The following MDN1 variants were observed in gnomAD, a reference collection of about 807,000 sequenced individuals.
The protein encoded by MDN1 is midasin AAA ATPase 1, also known as midasin.
A neutral mutation model predicts 669.2 loss-of-function variants in MDN1; 266 were observed. That is an observed-to-expected ratio of 0.40 (90% CI 0.36 to 0.44). MDN1 has a LOEUF of 0.44. Ranked by LOEUF, MDN1 falls within the 20% of genes least tolerant of loss-of-function variation. The probability of loss-of-function intolerance (pLI) is 1.00; values close to 1 mark genes in which losing one functional copy is unlikely to be tolerated. For synonymous variants in MDN1, 2,385 were observed against 2,457.1 expected (o/e 0.97, Z 0.87); for missense variants, 5,940 against 6,754.0 (o/e 0.88, Z 4.22).
intron 81 of MDN1, 55 bp downstream of exon 81, chr6:89,672,492 A>G: frequency 1.3e-6 from 2 of 1,597,686 alleles, no homozygotes; most frequent in East Asian, 4.5e-5. Flanking sequence ...ATAAATCATC[A>G]AATACAAAAA....
intron 76 of MDN1, among the ~76,000 whole-genome samples, chr6:89,677,036 G>GGAA (rs1442618596): frequency 6.7e-6 from 1 of 148,332 alleles, no homozygotes. Context: ...AAAAAAAAAG[G>GGAA]GAAGAAGAAG....
intron 12 of MDN1, 131 bp downstream of exon 12, chr6:89,776,468 TA>T (rs1818361643): frequency 3.1e-6 from 2 of 644,660 alleles, no homozygotes; most frequent in Admixed American, 3.2e-5. Context: ...GAGGCTGCAA[TA>T]AAAGCACCAA....
In MDN1 at chr6:89,672,229, C is replaced by T. The variant is rs766400009; in HGVS notation, c.13765G>A (p.Gly4589Ser). 41 of 1,599,142 alleles carry T rather than the reference C, an allele frequency of 2.6e-5. No individual in the cohort carries two copies. Among genetic ancestry groups the T allele is most frequent in the East Asian group, 6.7e-5 (3 of 44,738 alleles). ...SELLERLKSYGEDGTAAKHLF... is the reference protein window; with the variant it reads ...SELLERLKSYSEDGTAAKHLF... ...TGCTTTGCTGCTGTGCCATCCTCAC[C>T]GTACGATTTCAGCCTCTCCAACAGC... Residue 4589 changes from glycine (G) to serine (S), a missense_variant, in exon 82 of 102, where the codon GGT becomes AGT. Gly to Ser is a moderately conservative substitution (Grantham distance 56). Coordinates refer to ENST00000369393, the MANE Select transcript of MDN1 (RefSeq NM_014611.3).
chr6:89,665,767 T>C (rs1424700821), intron 84 of MDN1, among the ~76,000 whole-genome samples: 1 of 145,030 alleles, frequency 6.9e-6, no homozygotes, highest in Admixed American at 6.8e-5. Context: ...TAGCCAGGCA[T>C]GGTGGTTCAC....
chr6:89,650,689 T>C, intron 96 of MDN1, 43 bp downstream of exon 96: 1 of 1,458,790 alleles, frequency 6.9e-7, no homozygotes, highest in Admixed American at 1.8e-5. Context: ...GAAGCTGCCG[T>C]CTTCTCAGGG....
At position 89,758,200 on chromosome 6, in the gene MDN1, A is replaced by T. The variant is rs958801646; in HGVS notation, c.2702+55T>A. 4 of 1,438,126 alleles carry T rather than the reference A, an allele frequency of 2.8e-6. No homozygotes were observed. The East Asian group carries it at 9.4e-5, about 34-fold the overall frequency. 89.1% of individuals were successfully genotyped at this position (1,438,126 alleles called of 1,614,324 possible). On this transcript the variant is annotated intron_variant, in intron 19 of 101. Transcript: ENST00000369393. ...CACGCCACTGCACTCCAACCTGGGC[A>T]ACAGAGCAAGAACCTGTTGCAAAAA... is the stretch of plus-strand genomic sequence containing the variant.
At chr6:89,791,834 TA>T (rs1435504843) in intron 5 of MDN1, among the ~76,000 whole-genome samples, 2 of 150,902 alleles carry the variant, frequency 1.3e-5, no homozygotes, top group African/African-American at 4.9e-5. Context: ...ACGTGTAAAG[TA>T]AAAAATGTTA....
intron 93 of MDN1, among the ~76,000 whole-genome samples, chr6:89,653,709 A>T (rs1448769832): frequency 6.6e-6 from 1 of 151,950 alleles, no homozygotes; most frequent in Non-Finnish European, 1.5e-5. Flanking sequence ...TGATGAAGCT[A>T]TTTTTTTTGC....
Position 89,695,633 on chromosome 6 carries a change from T to G in MDN1, c.9743A>C (p.Glu3248Ala). The G allele has an allele frequency of 6.2e-7, 1 of 1,605,254 alleles. No homozygotes were observed. The highest frequency in any genetic ancestry group is 8.5e-7 in the Non-Finnish European group (1 of 1,173,584). Residue 3248 changes from glutamate to alanine, a missense_variant, in exon 61 of 102, where the codon GAG becomes GCG. Transcript: ENST00000369393. The surrounding 1 kb of genome is among the most constrained non-coding windows in gnomAD (Gnocchi z 4.1). The stretch of plus-strand genomic sequence containing the variant: ...TTCCTTGACGTAATTGAGCTTGTAC[T>G]CCCTCTTCACCGCAGGGTCAAAGCG... ...QARFDPAVKR[E>A]YKLNYVKEEL...
chr6:89,677,539 T>A (rs1391466636), intron 76 of MDN1, 31 bp downstream of exon 76: 1 of 1,611,234 alleles, frequency 6.2e-7, no homozygotes. Flanking sequence ...CATTTATAAG[T>A]AGGGAAAAAA....
chr6:89,818,967 G>T (rs9986552), intron 1 of MDN1, among the ~76,000 whole-genome samples: 1 of 151,742 alleles, frequency 6.6e-6, no homozygotes, highest in Non-Finnish European at 1.5e-5. Flanking sequence ...TTCAGCTGTT[G>T]TAAGTGTTTA....
chr6:89,649,479 AAAAC>A (rs1808705880), intron 97 of MDN1, among the ~76,000 whole-genome samples: 1 of 152,252 alleles, frequency 6.6e-6, no homozygotes, highest in Non-Finnish European at 1.5e-5. Context: ...ATCACTGCCC[AAAAC>A]AAACACTCTT....
intron 20 of MDN1, 86 bp from the exon 21 acceptor site, chr6:89,754,316 T>G: frequency 1.4e-6 from 2 of 1,388,386 alleles, no homozygotes; most frequent in Non-Finnish European, 2.0e-6. Flanking sequence ...CAAAGGACAT[T>G]TTTTAGATCA....
chr6:89,714,582 G>A lies in MDN1; in HGVS notation c.7030C>T (p.Leu2344Phe). ...GLVGNSVCDI[L>F]LALHTETRST... ...CGGGTCTCTGTGTGTAAAGCCAAGA[G>A]GATGTCACATACACTGTTCCCCACC... The change falls in exon 46 of 102, where the codon CTC becomes TTC. Residue 2344 changes from leucine to phenylalanine, a missense_variant. This residue lies in a region of MDN1 where 2,292 missense variants were observed against 2,638.3 expected (regional missense o/e 0.87). Coordinates refer to ENST00000369393, the MANE Select transcript of MDN1 (RefSeq NM_014611.3). 6.2e-7 allele frequency: 1 copy of A among 1,613,686 alleles called. No homozygotes were observed. Among genetic ancestry groups the A allele is most frequent in the South Asian group, 1.1e-5 (1 of 90,996 alleles).
intron 37 of MDN1, among the ~76,000 whole-genome samples, chr6:89,726,860 T>C (rs1049194711): frequency 6.6e-6 from 1 of 152,194 alleles, no homozygotes; most frequent in Non-Finnish European, 1.5e-5. Flanking sequence ...TCAAGTGTCA[T>C]GTTTACACAA....
intron 50 of MDN1, 122 bp from the exon 51 acceptor site, chr6:89,708,750 G>T: frequency 3.8e-6 from 4 of 1,052,748 alleles, no homozygotes; most frequent in Non-Finnish European, 5.6e-6. Flanking sequence ...TGGGGAAGAG[G>T]TTGAACCAGT....
rs781320278 is a variant in MDN1 at position 89,701,654 on chromosome 6, G to A, written c.8331C>T (p.Val2777=). ...EDKYYKEVQT[V]SEHIQNCLGS... Reference sequence around the variant, plus strand: ...CCAGACAATTCTGAATATGTTCTGAGACAGTCTGAACTTCTTTGTAATATC... The same window carrying A: ...CCAGACAATTCTGAATATGTTCTGAAACAGTCTGAACTTCTTTGTAATATC... The change falls in exon 55 of 102, where the codon GTC becomes GTT. Residue 2777 remains valine (V), a synonymous_variant. Transcript: ENST00000369393. 1 of 1,613,972 alleles carries A rather than the reference G, an allele frequency of 6.2e-7. No individual in the cohort carries two copies. The highest frequency in any genetic ancestry group is 1.1e-5 in the South Asian group (1 of 91,012).
rs1810182637 is a variant in MDN1, at chr6:89,665,980, C to T, written c.14095-1352G>A. Among the ~76,000 whole-genome samples the T allele has an allele frequency of 5.9e-5, 9 of 152,058 alleles. No homozygotes were observed. In the South Asian group the frequency reaches 1.9e-3, roughly 32 times the overall value. ...TCTTGAACCCGGGAGCTGGAGGTTG[C>T]AGTTGAGCCAAGACTATGCCACTGC... On this transcript the variant is annotated intron_variant, in intron 84 of 101. Transcript: ENST00000369393.
At chr6:89,785,150 A>G in intron 8 of MDN1, 24 bp from the exon 9 acceptor site, 1 of 1,569,078 alleles carries the variant, frequency 6.4e-7, no homozygotes, top group Non-Finnish European at 8.8e-7. Flanking sequence ...TAAAAAACAC[A>G]GTCACACAAA....
Sources: allele counts gnomAD v4.1 joint callset (sites outside exome capture counted in the v4.1 genomes callset), GRCh38; gene constraint gnomAD v4.1.1; regional missense constraint gnomAD v4.1.1; non-coding constraint Gnocchi (gnomAD v3.1); transcripts MANE v1.5; gene names NCBI Gene and HGNC (gene_info 2026-07-23, HGNC 2026-07-21).